BCAR3: variants seen among roughly 807,000 people sequenced by gnomAD.
The protein encoded by BCAR3 is BCAR3 adaptor protein, NSP family member.
BCAR3 carries 37 observed loss-of-function variants against 80.1 expected under a neutral mutation model. The observed-to-expected ratio is 0.46, with a 90% CI of 0.36 to 0.61. BCAR3 has a LOEUF of 0.61. Among genes scored for constraint, BCAR3 ranks in the 20% least tolerant of loss-of-function variants. BCAR3 has a pLI of 0.00. For missense variants in BCAR3, 978 were observed against 1,068.2 expected (o/e 0.92, Z 1.18); for synonymous variants, 389 against 418.9 (o/e 0.93, Z 0.87).
At chr1:93,580,863 C>CA (rs1379319294) in intron 7 of BCAR3, among the ~76,000 whole-genome samples, 1 of 152,026 alleles carries the variant, frequency 6.6e-6, no homozygotes, top group Non-Finnish European at 1.5e-5. Flanking sequence ...ACGTTTCCTA[C>CA]AAAAAAATGG....
At chr1:93,619,120 T>G (rs1570975954) in intron 3 of BCAR3, among the ~76,000 whole-genome samples, 2 of 138,328 alleles carry the variant, frequency 1.4e-5, no homozygotes. Flanking sequence ...TTTTTTTTTT[T>G]GTATTTTAGT....
chr1:93,742,518 T>A (rs926154106), intron 2 of BCAR3, among the ~76,000 whole-genome samples: 3 of 152,228 alleles, frequency 2.0e-5, no homozygotes, highest in Non-Finnish European at 4.4e-5. Context: ...CTGGAAACGT[T>A]CTCTCCGTTT....
Position 93,728,639 on chromosome 1 carries a change from G to C in BCAR3, c.-62-22497C>G, listed in dbSNP as rs374445860. Reference sequence around the variant, plus strand: ...TAGCTGCCCGGGCTCTCCTCCAACTGTCCCAGCCAAACTCTGCCTTCTTCC... The same window carrying C: ...TAGCTGCCCGGGCTCTCCTCCAACTCTCCCAGCCAAACTCTGCCTTCTTCC... On this transcript the variant is annotated intron_variant, in intron 2 of 13. Transcript: ENST00000370244. Among the ~76,000 whole-genome samples, 40 of 152,286 alleles carry C rather than the reference G, an allele frequency of 2.6e-4. 2 individuals carry two copies. In the East Asian group the frequency reaches 3.3e-3, roughly 12 times the overall value.
At chr1:93,729,527 G>A (rs1027370599) in intron 2 of BCAR3, among the ~76,000 whole-genome samples, 1 of 152,216 alleles carries the variant, frequency 6.6e-6, no homozygotes, top group African/African-American at 2.4e-5. Flanking sequence ...CTGACATGCT[G>A]TGAGAGGAGT....
intron 8 of BCAR3, among the ~76,000 whole-genome samples, chr1:93,573,499 G>C (rs1261000702): frequency 6.6e-6 from 1 of 151,552 alleles, no homozygotes; most frequent in East Asian, 1.9e-4. Flanking sequence ...TGTGTATCTT[G>C]GTCCATTTTC....
intron 2 of BCAR3, among the ~76,000 whole-genome samples, chr1:93,733,342 C>A (rs1164468387): frequency 6.6e-6 from 1 of 152,154 alleles, no homozygotes; most frequent in Non-Finnish European, 1.5e-5. Context: ...TATGTCCCCC[C>A]ACCCCCCGAC....
intron 2 of BCAR3, among the ~76,000 whole-genome samples, chr1:93,816,586 G>A (rs1394229996): frequency 1.4e-5 from 2 of 144,022 alleles, no homozygotes; most frequent in Non-Finnish European, 3.0e-5. Flanking sequence ...CAGGAGAATC[G>A]CTTGAACCCA....
chr1:93,742,913 G>C (rs998236371), intron 2 of BCAR3, among the ~76,000 whole-genome samples: 1 of 152,182 alleles, frequency 6.6e-6, no homozygotes, highest in Non-Finnish European at 1.5e-5. Context: ...TGAAGAAAGG[G>C]CATGTGTTGA....
rs1570943854 is a variant in BCAR3, at chr1:93,592,117, G to T, written c.486+148C>A. The T allele has an allele frequency of 3.5e-6, 4 of 1,140,522 alleles. No individual in the cohort carries two copies. Among genetic ancestry groups the T allele is most frequent in the East Asian group, 5.2e-5 (2 of 38,702 alleles). The allele number at this position is 1,140,522 out of a possible 1,614,324, so 70.7% of individuals were successfully genotyped here. A position where few individuals can be genotyped will look rare whatever the true frequency, so the allele number is the denominator to read the frequency against. Reference sequence around the variant, plus strand: ...CTTCCCAAGGTCTTCTTAGAGAAGGGTCTAAATGAAGTCATTTTTAGAGTA... The same window carrying T: ...CTTCCCAAGGTCTTCTTAGAGAAGGTTCTAAATGAAGTCATTTTTAGAGTA... On this transcript the variant is annotated intron_variant, in intron 4 of 11. Transcript: ENST00000260502. This position sits in a 1 kb window ranked among gnomAD's most constrained non-coding sequence, Gnocchi z 4.8.
At chr1:93,838,260 C>A (rs1365229899) in intron 2 of BCAR3, among the ~76,000 whole-genome samples, 1 of 152,202 alleles carries the variant, frequency 6.6e-6, no homozygotes, top group East Asian at 1.9e-4. Context: ...TGTGCTGCAT[C>A]ACAACATGGC....
intron 3 of BCAR3, among the ~76,000 whole-genome samples, chr1:93,695,500 C>T (rs771782692): frequency 1.3e-5 from 2 of 152,178 alleles, no homozygotes; most frequent in Admixed American, 6.5e-5. Flanking sequence ...CCATTCCCAT[C>T]CCACTCTATC....
chr1:93,647,508 C>T (rs1676177754), intron 2 of BCAR3, among the ~76,000 whole-genome samples: 2 of 152,168 alleles, frequency 1.3e-5, no homozygotes, highest in Admixed American at 1.3e-4. Flanking sequence ...TCCTCAGTTA[C>T]ACTAGTGGCT....
intron 2 of BCAR3, among the ~76,000 whole-genome samples, chr1:93,742,062 G>A (rs1651199982): frequency 6.6e-6 from 1 of 152,222 alleles, no homozygotes; most frequent in Non-Finnish European, 1.5e-5. Flanking sequence ...AGAATGGAGA[G>A]TTGTCTGGGT....
At position 93,762,447 on chromosome 1, in the gene BCAR3, C is replaced by T. The variant is rs751831841; in HGVS notation, c.-62-56305G>A. Among the ~76,000 whole-genome samples, 10 of 152,184 alleles carry T rather than the reference C, an allele frequency of 6.6e-5. No individual in the cohort carries two copies. The South Asian group carries it at 8.3e-4, about 13-fold the overall frequency. ...GAACTCAGAACCATTCTGCTGAGAG[C>T]TCGTGTACACCCAGTGGCAGTAGCA... On this transcript the variant is annotated intron_variant, in intron 2 of 13. Transcript: ENST00000370244.
intron 2 of BCAR3, among the ~76,000 whole-genome samples, chr1:93,782,434 ATCT>A (rs1483927249): frequency 6.6e-6 from 1 of 152,240 alleles, no homozygotes; most frequent in Non-Finnish European, 1.5e-5. Context: ...TCTAAGGGAC[ATCT>A]TCAGCAGTGC....
Position 93,589,221 on chromosome 1 carries a change from C to A in BCAR3, c.685G>T (p.Gly229Cys). 1 of 1,613,964 alleles carries A rather than the reference C, an allele frequency of 6.2e-7. No individual in the cohort carries two copies. The highest frequency in any genetic ancestry group is 1.7e-4 in the Middle Eastern group (1 of 6,054). The change falls in exon 5 of 12, where the codon GGC becomes TGC. Residue 229 changes from glycine (G) to cysteine (C), a missense_variant. Coordinates refer to ENST00000260502, the MANE Select transcript of BCAR3 (RefSeq NM_003567.4). ...FEMESFDSIP[G>C]LVRCYVGNRR... Reference sequence around the variant, plus strand: ...TTGCCCACGTAGCAGCGCACCAGGCCGGGGATGGAGTCGAAGCTCTCCATC... The same window carrying A: ...TTGCCCACGTAGCAGCGCACCAGGCAGGGGATGGAGTCGAAGCTCTCCATC...
chr1:93,738,714 A>C (rs1168566277), intron 2 of BCAR3, among the ~76,000 whole-genome samples: 1 of 152,082 alleles, frequency 6.6e-6, no homozygotes, highest in Non-Finnish European at 1.5e-5. Flanking sequence ...GTCGGGGAGC[A>C]GTTACAGTCA....
intron 2 of BCAR3, among the ~76,000 whole-genome samples, chr1:93,751,223 C>T (rs1177741172): frequency 6.6e-6 from 1 of 152,124 alleles, no homozygotes; most frequent in Non-Finnish European, 1.5e-5. Context: ...GGGCTGATAC[C>T]TCGGCTTGGC....
intron 2 of BCAR3, among the ~76,000 whole-genome samples, chr1:93,773,629 C>T (rs1652436840): frequency 1.3e-5 from 2 of 152,240 alleles, no homozygotes; most frequent in South Asian, 4.2e-4. Context: ...TCAGCTAGTG[C>T]CCAGTGCCTA....
Sources: allele counts gnomAD v4.1 joint callset (sites outside exome capture counted in the v4.1 genomes callset), GRCh38; gene constraint gnomAD v4.1.1; non-coding constraint Gnocchi (gnomAD v3.1); transcripts MANE v1.5; gene names NCBI Gene and HGNC (gene_info 2026-07-23, HGNC 2026-07-21).